GRM8: variants seen among roughly 807,000 people sequenced by gnomAD.
GRM8 encodes glutamate metabotropic receptor 8.
Under a neutral mutation model 87.2 loss-of-function variants are expected in GRM8, and 47 were observed. The ratio of observed to expected loss-of-function variants is 0.54; its 90% confidence interval spans 0.43 to 0.69. The LOEUF (loss-of-function observed/expected upper bound fraction) is 0.69. Ranked by LOEUF, GRM8 falls within the 30% of genes least tolerant of loss-of-function variation. GRM8 has a pLI of 0.00. For missense variants in GRM8, 1,019 were observed against 1,139.2 expected (o/e 0.89, Z 1.52); for synonymous variants, 396 against 404.5 (o/e 0.98, Z 0.25).
At chr7:126,970,747 C>T (rs1486025006) in intron 3 of GRM8, among the ~76,000 whole-genome samples, 2 of 152,118 alleles carry the variant, frequency 1.3e-5, no homozygotes, top group Non-Finnish European at 2.9e-5. Context: ...TTTCGACCTG[C>T]TTTCCTCACC....
At chr7:126,989,992 G>A (rs554538242) in intron 3 of GRM8, among the ~76,000 whole-genome samples, 9 of 152,004 alleles carry the variant, frequency 5.9e-5, no homozygotes, top group African/African-American at 1.2e-4. Context: ...AAAGCACCCC[G>A]AAGCCCTCGG....
chr7:126,571,821 A>T (rs1421793720), intron 8 of GRM8, among the ~76,000 whole-genome samples: 4 of 151,694 alleles, frequency 2.6e-5, no homozygotes, highest in Admixed American at 2.6e-4. Context: ...GCTCACTGCA[A>T]CCTCTGCCTC....
intron 7 of GRM8, among the ~76,000 whole-genome samples, chr7:126,627,866 A>G (rs1800852799): frequency 6.6e-6 from 1 of 152,164 alleles, no homozygotes; most frequent in African/African-American, 2.4e-5. Flanking sequence ...CTTGATTTCA[A>G]TAATTTGCAT....
intron 7 of GRM8, among the ~76,000 whole-genome samples, chr7:126,616,751 T>C (rs1419194341): frequency 6.6e-6 from 1 of 152,060 alleles, no homozygotes; most frequent in African/African-American, 2.4e-5. Context: ...TAAACACCAC[T>C]GCGGAAATAA....
chr7:126,614,662 T>C (rs372757836), intron 7 of GRM8, among the ~76,000 whole-genome samples: 2 of 152,112 alleles, frequency 1.3e-5, no homozygotes, highest in East Asian at 3.9e-4. Flanking sequence ...GAATAACCAG[T>C]GTAGAGAAGT....
chr7:126,899,703 C>T (rs1208017201), intron 6 of GRM8, among the ~76,000 whole-genome samples: 2 of 151,446 alleles, frequency 1.3e-5, no homozygotes, highest in African/African-American at 4.9e-5. Context: ...CAAGATCCTA[C>T]TCTGCATTTA....
intron 6 of GRM8, among the ~76,000 whole-genome samples, chr7:126,897,875 G>C (rs999352790): frequency 6.6e-6 from 1 of 152,058 alleles, no homozygotes; most frequent in African/African-American, 2.4e-5. Context: ...AATTATCTCA[G>C]AAAACTGTTT....
intron 8 of GRM8, among the ~76,000 whole-genome samples, chr7:126,578,126 A>G (rs1421825154): frequency 6.6e-6 from 1 of 152,186 alleles, no homozygotes; most frequent in African/African-American, 2.4e-5. Context: ...TCTTATATCC[A>G]TATTTTTCCT....
At chr7:127,029,738 G>A (rs1028676262) in intron 3 of GRM8, among the ~76,000 whole-genome samples, 1 of 151,230 alleles carries the variant, frequency 6.6e-6, no homozygotes, top group Admixed American at 6.6e-5. Context: ...CTTTGCATTT[G>A]AGATGGGTCT....
At position 126,768,357 on chromosome 7, in the gene GRM8, T is replaced by TAA. The variant is rs57868820; in HGVS notation, c.1357+1506_1357+1507dup. Among the ~76,000 whole-genome samples, 58 of 53,542 alleles carry TAA rather than the reference T, an allele frequency of 1.1e-3. 3 individuals are homozygous for TAA. Among genetic ancestry groups the TAA allele is most frequent in the Middle Eastern group, 0.056 (2 of 36 alleles). 35.1% of individuals were successfully genotyped at this position (53,542 alleles called of 152,430 possible). On this transcript the variant is annotated intron_variant, in intron 7 of 10. Coordinates refer to ENST00000339582, the MANE Select transcript of GRM8 (RefSeq NM_000845.3). ...CAGCAGCAGCAACACTTTGATAATGTAAAAAAAAAAAAAAAAAAAAAAAAG... is the reference window on the plus strand; with the variant it reads ...CAGCAGCAGCAACACTTTGATAATGTAAAAAAAAAAAAAAAAAAAAAAAAAAG...
intron 3 of GRM8, among the ~76,000 whole-genome samples, chr7:127,032,374 G>T (rs576442605): frequency 6.6e-6 from 1 of 152,190 alleles, no homozygotes; most frequent in South Asian, 2.1e-4. Context: ...CACTTTCACT[G>T]GTTGGGTGAC....
intron 3 of GRM8, chr7:127,076,361 A>G (rs1220105097): frequency 2.9e-6 from 1 of 342,234 alleles, no homozygotes; most frequent in Non-Finnish European, 5.8e-6. Context: ...CACTCAGAGT[A>G]TCTGGGGGAG....
chr7:127,182,902 G>T (rs941936298), intron 2 of GRM8, among the ~76,000 whole-genome samples: 1 of 151,728 alleles, frequency 6.6e-6, no homozygotes, highest in East Asian at 1.9e-4. Context: ...GGGGGGAAGA[G>T]TGGGAGGGGG....
chr7:126,463,844 C>G (rs1279476251), intron 9 of GRM8, among the ~76,000 whole-genome samples: 1 of 151,536 alleles, frequency 6.6e-6, no homozygotes, highest in Non-Finnish European at 1.5e-5. Context: ...ACTTCTTTGT[C>G]TCTGGAAACA....
intron 3 of GRM8, among the ~76,000 whole-genome samples, chr7:127,070,720 C>T (rs1324349069): frequency 6.6e-6 from 1 of 152,150 alleles, no homozygotes; most frequent in Non-Finnish European, 1.5e-5. Context: ...GTTTAACTCT[C>T]TCAATAATTC....
At chr7:127,168,843 G>A (rs997176069) in intron 2 of GRM8, among the ~76,000 whole-genome samples, 5 of 151,808 alleles carry the variant, frequency 3.3e-5, no homozygotes, top group Non-Finnish European at 5.9e-5. Flanking sequence ...CATCACACAC[G>A]GGGGCCTGTC....
chr7:126,940,522 T>C (rs893901430), intron 3 of GRM8, among the ~76,000 whole-genome samples: 18 of 152,256 alleles, frequency 1.2e-4, no homozygotes, highest in Middle Eastern at 3.4e-3. Context: ...CAGAGGAGTA[T>C]GTAGGTCCAA....
intron 6 of GRM8, among the ~76,000 whole-genome samples, chr7:126,856,832 A>C (rs1342879875): frequency 1.2e-4 from 18 of 152,152 alleles, no homozygotes; most frequent in Non-Finnish European, 2.4e-4. Flanking sequence ...CATATTATCC[A>C]CTGGAAGATT....
intron 2 of GRM8, among the ~76,000 whole-genome samples, chr7:127,170,389 G>A (rs1793720680): frequency 6.6e-6 from 1 of 152,210 alleles, no homozygotes; most frequent in African/African-American, 2.4e-5. Flanking sequence ...TACACTGCTG[G>A]TGGAAATGTA....
Sources: allele counts gnomAD v4.1 joint callset (sites outside exome capture counted in the v4.1 genomes callset), GRCh38; gene constraint gnomAD v4.1.1; transcripts MANE v1.5; gene names NCBI Gene and HGNC (gene_info 2026-07-23, HGNC 2026-07-21).